PLD1: variants seen among roughly 807,000 people sequenced by gnomAD.
PLD1 encodes the protein phospholipase D1.
In PLD1, 112 loss-of-function variants were observed where a neutral mutation model predicts 137.1. The ratio of observed to expected loss-of-function variants is 0.82; its 90% confidence interval spans 0.70 to 0.96. The LOEUF (loss-of-function observed/expected upper bound fraction) is 0.96, where lower values mean the gene tolerates loss of function less well. Ranked by LOEUF, PLD1 falls within the 40% of genes least tolerant of loss-of-function variation. PLD1 has a pLI of 0.00. For missense variants in PLD1, 1,321 were observed against 1,342.0 expected (o/e 0.98, Z 0.24); for synonymous variants, 431 against 454.7 (o/e 0.95, Z 0.66).
At chr3:171,605,224 T>G (rs1418519418) in intron 26 of PLD1, 75 bp downstream of exon 26, 3 of 880,598 alleles carry the variant, frequency 3.4e-6, no homozygotes, top group Non-Finnish European at 5.9e-6. Flanking sequence ...ACCAATAATA[T>G]GCAGAAATAA....
At chr3:171,709,076 T>C (rs1015248338) in intron 10 of PLD1, among the ~76,000 whole-genome samples, 3 of 152,214 alleles carry the variant, frequency 2.0e-5, no homozygotes, top group African/African-American at 7.2e-5. Context: ...AACAAATTTA[T>C]TGAGCCTCAT....
rs60146546 is a variant in PLD1, at chr3:171,808,815, A to ATTTTTTTTTTTTTTTTTTTTTTTTT, written c.-32+1559_-32+1583dup. Among the ~76,000 whole-genome samples the ATTTTTTTTTTTTTTTTTTTTTTTTT allele has an allele frequency of 1.7e-4, 15 of 86,232 alleles. 2 individuals are homozygous for ATTTTTTTTTTTTTTTTTTTTTTTTT. Among genetic ancestry groups the ATTTTTTTTTTTTTTTTTTTTTTTTT allele is most frequent in the African/African-American group, 6.3e-4 (13 of 20,670 alleles). 56.6% of individuals were successfully genotyped at this position (86,232 alleles called of 152,430 possible). A position where few individuals can be genotyped will look rare whatever the true frequency, so the allele number is the denominator to read the frequency against. On this transcript the variant is annotated intron_variant, in intron 1 of 26. Coordinates refer to ENST00000351298, the MANE Select transcript of PLD1 (RefSeq NM_002662.5). ...TTTTTCCTCAAAGCCTTAGCATTCA[A>ATTTTTTTTTTTTTTTTTTTTTTTTT]TTTTTTTTTTTTTTTTTTTTTTTTT...
intron 1 of PLD1, among the ~76,000 whole-genome samples, chr3:171,780,913 A>G (rs560345487): frequency 5.3e-5 from 8 of 152,242 alleles, no homozygotes; most frequent in Non-Finnish European, 8.8e-5. Context: ...ATCCAACACA[A>G]TACCAATTAT....
intron 1 of PLD1, among the ~76,000 whole-genome samples, chr3:171,783,220 A>G (rs903531069): frequency 2.0e-4 from 31 of 152,098 alleles, no homozygotes; most frequent in African/African-American, 7.2e-4. Flanking sequence ...CAGTGGAGGC[A>G]GGGGTGGAGG....
intron 10 of PLD1, among the ~76,000 whole-genome samples, chr3:171,709,066 A>G (rs567290560): frequency 4.6e-4 from 70 of 152,318 alleles, no homozygotes; most frequent in African/African-American, 1.6e-3. Context: ...CTTAGAGAAC[A>G]ACAAATTTAT....
intron 24 of PLD1, among the ~76,000 whole-genome samples, 177 bp downstream of exon 24, chr3:171,620,209 T>A (rs530720410): frequency 6.6e-6 from 1 of 152,236 alleles, no homozygotes; most frequent in African/African-American, 2.4e-5. Flanking sequence ...TATAACAATT[T>A]CAACAACTGG....
chr3:171,697,214 T>G lies in PLD1; in HGVS notation c.1227+2531A>C, dbSNP rs536537381. On this transcript the variant is annotated intron_variant, in intron 12 of 26. Transcript: ENST00000351298. ...ATCAGCTCTTCCCAGTTTCTTCCAC[T>G]ATCAGAGTCACCTTCCGGACACCTT... 9.4e-5 allele frequency among the ~76,000 whole-genome samples: 14 copies of G among 149,676 alleles called. 1 individual carries two copies. In the South Asian group the frequency reaches 2.8e-3, roughly 30 times the overall value.
chr3:171,776,164 TAAG>T (rs958460750), intron 1 of PLD1, among the ~76,000 whole-genome samples: 4 of 152,200 alleles, frequency 2.6e-5, no homozygotes, highest in African/African-American at 9.6e-5. Flanking sequence ...AGCTGCCATC[TAAG>T]AAGACACTCC....
At chr3:171,652,412 C>CAAAAA (rs1200348368) in intron 21 of PLD1, among the ~76,000 whole-genome samples, 1 of 58,808 alleles carries the variant, frequency 1.7e-5, no homozygotes, top group Non-Finnish European at 4.0e-5. Flanking sequence ...GACTCCTTCT[C>CAAAAA]AAAAAAAAAA....
chr3:171,658,280 T>C (rs1436955469), intron 21 of PLD1, among the ~76,000 whole-genome samples: 3 of 152,246 alleles, frequency 2.0e-5, no homozygotes, highest in Admixed American at 1.3e-4. Context: ...ATGTTAAACA[T>C]AGAGTTAGCT....
At chr3:171,614,078 T>C (rs1732895398) in intron 24 of PLD1, among the ~76,000 whole-genome samples, 1 of 152,204 alleles carries the variant, frequency 6.6e-6, no homozygotes, top group Non-Finnish European at 1.5e-5. Flanking sequence ...TGCCCTTTCC[T>C]GAAGAGACTT....
intron 13 of PLD1, among the ~76,000 whole-genome samples, chr3:171,691,755 G>A (rs1007785514): frequency 2.6e-5 from 4 of 152,100 alleles, no homozygotes; most frequent in African/African-American, 9.7e-5. Context: ...ACATACAATT[G>A]TTACATATTT....
chr3:171,747,651 T>C (rs746426765), intron 1 of PLD1, among the ~76,000 whole-genome samples: 2 of 152,202 alleles, frequency 1.3e-5, no homozygotes, highest in Non-Finnish European at 2.9e-5. Flanking sequence ...TCATTTATGC[T>C]GAATTTAACA....
chr3:171,696,576 T>C (rs1261421695), intron 12 of PLD1, among the ~76,000 whole-genome samples: 5 of 152,202 alleles, frequency 3.3e-5, no homozygotes, highest in Non-Finnish European at 7.3e-5. Flanking sequence ...CTTGTGGACC[T>C]CTGGGACCTG....
intron 1 of PLD1, among the ~76,000 whole-genome samples, chr3:171,738,981 C>G (rs920224870): frequency 2.0e-5 from 3 of 152,180 alleles, no homozygotes; most frequent in African/African-American, 4.8e-5. Context: ...ACCAGTAACT[C>G]TTTGGCACAT....
chr3:171,728,880 G>A (rs1006325802), intron 6 of PLD1, among the ~76,000 whole-genome samples: 1 of 152,074 alleles, frequency 6.6e-6, no homozygotes, highest in African/African-American at 2.4e-5. Context: ...TAATGGCTTA[G>A]TAAAGTTTGA....
Position 171,687,485 on chromosome 3 carries a change from T to C in PLD1, c.1639A>G (p.Lys547Glu). The C allele has an allele frequency of 6.2e-7, 1 of 1,614,146 alleles. No individual in the cohort carries two copies. Among genetic ancestry groups the C allele is most frequent in the Non-Finnish European group, 8.5e-7 (1 of 1,179,972 alleles). ...IQKSIDDVDS[K>E]LKGIGKPRKF... ...CTTGGCTTTCCTATTCCTTTCAGTT[T>C]TGAATCCACATCATCAATACTCTTC... The change falls in exon 15 of 27, where the codon AAA (lysine) becomes GAA (glutamate). Residue 547 changes from lysine to glutamate, a missense_variant. Physicochemically the swap from Lys to Glu is moderately conservative, Grantham distance 56. Coordinates refer to ENST00000351298, the MANE Select transcript of PLD1 (RefSeq NM_002662.5).
intron 8 of PLD1, among the ~76,000 whole-genome samples, chr3:171,719,556 C>T (rs73041862): frequency 0.36 from 54,825 of 152,046 alleles, 11,043 homozygotes; most frequent in African/African-American, 0.52. Context: ...TAATTATTGG[C>T]ACAGCTCATA....
intron 1 of PLD1, among the ~76,000 whole-genome samples, chr3:171,795,694 C>T (rs940462616): frequency 1.2e-4 from 18 of 152,238 alleles, no homozygotes; most frequent in African/African-American, 4.8e-5. Flanking sequence ...AACACACATA[C>T]TCTTACCCAT....
Sources: allele counts gnomAD v4.1 joint callset (sites outside exome capture counted in the v4.1 genomes callset), GRCh38; gene constraint gnomAD v4.1.1; transcripts MANE v1.5; gene names NCBI Gene and HGNC (gene_info 2026-07-23, HGNC 2026-07-21).